Variants in KDM2B observed in about 807,000 individuals in gnomAD.
KDM2B encodes the protein lysine demethylase 2B.
KDM2B carries 26 observed loss-of-function variants against 150.0 expected under a neutral mutation model. The observed-to-expected ratio is 0.17, with a 90% CI of 0.13 to 0.24. The LOEUF (loss-of-function observed/expected upper bound fraction) is 0.24. KDM2B is among the 10% of genes least tolerant of loss of function. The pLI, the probability that KDM2B is intolerant of heterozygous loss-of-function variation, is 1.00. For missense variants in KDM2B, 1,265 were observed against 1,816.9 expected (o/e 0.70, Z 5.52); for synonymous variants, 734 against 729.5 (o/e 1.01, Z -0.10).
At chr12:121,439,795 A>C in intron 22 of KDM2B, 62 bp downstream of exon 22, 1 of 1,287,252 alleles carries the variant, frequency 7.8e-7, no homozygotes, top group South Asian at 1.2e-5. Flanking sequence ...TTTTCCACAA[A>C]TGTGAACCTC....
At position 121,520,825 on chromosome 12, in the gene KDM2B, C is replaced by G. The variant is rs530419273; in HGVS notation, c.1047+160G>C. 6.6e-5 allele frequency among the ~76,000 whole-genome samples: 10 copies of G among 152,040 alleles called. No homozygotes were observed. The South Asian group carries it at 8.3e-4, about 13-fold the overall frequency. ...CTCCTACAGGCATTCCCCTGCCCCC[C>G]CTCCCCCGCCACAGAACCAGGACTG... On this transcript the variant is annotated intron_variant, in intron 9 of 22. Transcript: ENST00000377071. This position sits in a 1 kb window ranked among gnomAD's most constrained non-coding sequence, Gnocchi z 4.5.
chr12:121,568,244 G>A (rs1363348143), intron 4 of KDM2B, among the ~76,000 whole-genome samples: 1 of 152,110 alleles, frequency 6.6e-6, no homozygotes, highest in African/African-American at 2.4e-5. Context: ...CGAAGCAGGA[G>A]AATTGCTTGG....
intron 13 of KDM2B, among the ~76,000 whole-genome samples, chr12:121,450,737 GTAGTCCCAGC>G (rs1450507367): frequency 6.6e-6 from 1 of 152,044 alleles, no homozygotes; most frequent in African/African-American, 2.4e-5. Flanking sequence ...GCGGGCACTG[GTAGTCCCAGC>G]TACTCTGGAG....
chr12:121,445,379 C>G lies in KDM2B; in HGVS notation c.1999G>C (p.Glu667Gln), dbSNP rs782635516. 30 of 1,609,968 alleles carry G rather than the reference C, an allele frequency of 1.9e-5. 1 individual carries two copies. In the East Asian group the frequency reaches 2.7e-4, roughly 14 times the overall value. ...PHTAVCLVCG[E>Q]AGKEDTVEEE... ...TCCACCGTGTCTTCCTTCCCCGCCT[C>G]GCCACACACAAGGCACACGGCGGTG... The change falls in exon 14 of 23, where the codon GAG (glutamate) becomes CAG (glutamine). Residue 667 changes from glutamate to glutamine, a missense_variant. By Grantham distance (29) the Glu-to-Gln change is conservative (BLOSUM62 2). Coordinates refer to ENST00000377071, the MANE Select transcript of KDM2B (RefSeq NM_032590.5).
At chr12:121,547,773 G>A (rs1555310983) in intron 6 of KDM2B, among the ~76,000 whole-genome samples, 1 of 151,170 alleles carries the variant, frequency 6.6e-6, no homozygotes, top group African/African-American at 2.4e-5. Flanking sequence ...CTCCTGAGTA[G>A]CTGGAATTAC....
chr12:121,527,295 G>A (rs1173380187), intron 8 of KDM2B, among the ~76,000 whole-genome samples: 40 of 141,098 alleles, frequency 2.8e-4, no homozygotes, highest in Non-Finnish European at 3.1e-5. Flanking sequence ...TGATCTGCCC[G>A]CCTTGGCCTC....
chr12:121,473,873 C>G (rs1404070772), intron 12 of KDM2B, among the ~76,000 whole-genome samples: 2 of 152,038 alleles, frequency 1.3e-5, no homozygotes, highest in African/African-American at 4.8e-5. Context: ...ACGGTCTATC[C>G]CTACGATGGA....
chr12:121,509,690 A>T lies in KDM2B; in HGVS notation c.1524T>A (p.His508Gln). Residue 508 changes from histidine (H) to glutamine (Q), a missense_variant, in exon 11 of 23, where the codon CAT becomes CAA. Coordinates refer to ENST00000377071, the MANE Select transcript of KDM2B (RefSeq NM_032590.5). ...GGCCCTTCAGTTCAAACTCAGTGAG[A>T]TGGGTCCATTTGGCAGAGACCTCCG... ...PATEVSAKWT[H>Q]LTEFELKGLK... 1 of 1,614,026 alleles carries T rather than the reference A, an allele frequency of 6.2e-7. No homozygotes were observed. The highest frequency in any genetic ancestry group is 1.1e-5 in the South Asian group (1 of 91,066).
Position 121,440,213 on chromosome 12 carries a change from A to G in KDM2B, c.3611-138T>C. ...TAGTTATAAACTGCTTCCTCCCAAA[A>G]TCATAATTCCAACAGTGAAAAATCA... On this transcript the variant is annotated intron_variant, in intron 21 of 22. Coordinates refer to ENST00000377071, the MANE Select transcript of KDM2B (RefSeq NM_032590.5). The G allele has an allele frequency of 4.8e-6, 3 of 628,886 alleles. No individual in the cohort carries two copies. The South Asian group carries it at 5.8e-5, about 12-fold the overall frequency. The allele number at this position is 628,886 out of a possible 1,614,324, so 39.0% of individuals were successfully genotyped here.
chr12:121,449,685 A>G (rs1876898790), intron 13 of KDM2B, among the ~76,000 whole-genome samples: 1 of 152,208 alleles, frequency 6.6e-6, no homozygotes, highest in African/African-American at 2.4e-5. Flanking sequence ...CTAAAAACCA[A>G]CAGTTGCTAT....
At chr12:121,474,152 A>G (rs1555296348) in intron 12 of KDM2B, among the ~76,000 whole-genome samples, 1 of 152,214 alleles carries the variant, frequency 6.6e-6, no homozygotes, top group African/African-American at 2.4e-5. Flanking sequence ...TTGGAACTAA[A>G]TAGAAGTATT....
chr12:121,549,325 C>A lies in KDM2B; in HGVS notation c.576+135G>T. On this transcript the variant is annotated intron_variant, in intron 5 of 22. Coordinates refer to ENST00000377071, the MANE Select transcript of KDM2B (RefSeq NM_032590.5). The surrounding 1 kb of genome is among the most constrained non-coding windows in gnomAD (Gnocchi z 4.4). ...TACAAACCACGTTACCAACCTTAGT[C>A]ACCCCTATGCCTGCCAAGCCCAGCC... 1.3e-6 allele frequency: 1 copy of A among 741,142 alleles called. No individual in the cohort carries two copies. The highest frequency in any genetic ancestry group is 2.6e-5 in the East Asian group (1 of 37,742). The allele number at this position is 741,142 out of a possible 1,614,324, so 45.9% of individuals were successfully genotyped here.
intron 11 of KDM2B, 131 bp downstream of exon 11, chr12:121,509,436 C>A: frequency 6.8e-7 from 1 of 1,466,514 alleles, no homozygotes; most frequent in Non-Finnish European, 9.0e-7. Context: ...CAGAAGCCCC[C>A]TCGCAGCGCC....
rs1206106695 is a variant in KDM2B, at chr12:121,537,865, C to G, written c.684-3275G>C. Reference sequence around the variant, plus strand: ...GGAGGCCACCCACACCCGCCCCGCGCAGCGCCACAAAGGAGGGGGCGCCCG... The same window carrying G: ...GGAGGCCACCCACACCCGCCCCGCGGAGCGCCACAAAGGAGGGGGCGCCCG... On this transcript the variant is annotated intron_variant, in intron 6 of 22. Coordinates refer to ENST00000377071, the MANE Select transcript of KDM2B (RefSeq NM_032590.5). The surrounding 1 kb of genome is among the most constrained non-coding windows in gnomAD (Gnocchi z 8.7). 1.3e-5 allele frequency among the ~76,000 whole-genome samples: 2 copies of G among 151,648 alleles called. No homozygotes were observed. The highest frequency in any genetic ancestry group is 2.9e-5 in the Non-Finnish European group (2 of 67,880).
At chr12:121,566,653 G>C (rs555353541) in intron 4 of KDM2B, among the ~76,000 whole-genome samples, 1 of 151,414 alleles carries the variant, frequency 6.6e-6, no homozygotes, top group African/African-American at 2.4e-5. Flanking sequence ...AAAATTAGCC[G>C]GGCATGGTGG....
chr12:121,517,250 T>C (rs1411858006), intron 9 of KDM2B, among the ~76,000 whole-genome samples: 8 of 152,152 alleles, frequency 5.3e-5, no homozygotes, highest in Non-Finnish European at 1.0e-4. Context: ...AGGGGAGATT[T>C]CATCTACAAG....
rs543490080 is a variant in KDM2B, at chr12:121,504,844, C to T, written c.1647+4723G>A. Among the ~76,000 whole-genome samples, 4 of 152,122 alleles carry T rather than the reference C, an allele frequency of 2.6e-5. No homozygotes were observed. The East Asian group carries it at 5.8e-4, about 22-fold the overall frequency. On this transcript the variant is annotated intron_variant, in intron 11 of 22. Transcript: ENST00000377071. ...AAATATAAAAATTAGCCACCGAGCG[C>T]GGTGGCTCACGCCTGTAATCCCAGC...
chr12:121,449,587 C>T (rs1242926517), intron 13 of KDM2B, among the ~76,000 whole-genome samples: 2 of 152,238 alleles, frequency 1.3e-5, no homozygotes, highest in East Asian at 3.9e-4. Context: ...GGGCCCAGCA[C>T]ACGGGGGCTG....
intron 12 of KDM2B, among the ~76,000 whole-genome samples, chr12:121,489,626 G>C (rs1555299576): frequency 2.0e-5 from 3 of 152,148 alleles, no homozygotes; most frequent in African/African-American, 7.2e-5. Flanking sequence ...TTTTAGTAGA[G>C]ATGGGGTTTT....
Sources: allele counts gnomAD v4.1 joint callset (sites outside exome capture counted in the v4.1 genomes callset), GRCh38; gene constraint gnomAD v4.1.1; non-coding constraint Gnocchi (gnomAD v3.1); transcripts MANE v1.5; gene names NCBI Gene and HGNC (gene_info 2026-07-23, HGNC 2026-07-21).